LIN28B: variants seen among roughly 807,000 people sequenced by gnomAD.
LIN28B encodes the protein lin-28 RNA binding posttranscriptional regulator B.
Under a neutral mutation model 21.9 loss-of-function variants are expected in LIN28B, and 5 were observed. The observed-to-expected ratio is 0.23, with a 90% CI of 0.12 to 0.48. The LOEUF is 0.48. Among genes scored for constraint, LIN28B ranks in the 20% least tolerant of loss-of-function variants. The pLI, the probability that LIN28B is intolerant of heterozygous loss-of-function variation, is 0.98. For synonymous variants in LIN28B, 109 were observed against 111.3 expected (o/e 0.98, Z 0.13); for missense variants, 245 against 310.5 (o/e 0.79, Z 1.58).
At chr6:105,041,814 G>GT (rs1228144088) in intron 3 of LIN28B, among the ~76,000 whole-genome samples, 2 of 151,864 alleles carry the variant, frequency 1.3e-5, no homozygotes, top group East Asian at 1.9e-4. Flanking sequence ...CAGCCATTGT[G>GT]TTTTTTTTCT....
chr6:104,990,756 TGATGACTCTTAAC>T (rs957511299), intron 2 of LIN28B, among the ~76,000 whole-genome samples: 2 of 152,058 alleles, frequency 1.3e-5, no homozygotes, highest in African/African-American at 4.8e-5. Flanking sequence ...TAGGGAGTGG[TGATGACTCTTAAC>T]GAGCATGCTG....
At chr6:105,039,211 A>G (rs1014329722) in intron 3 of LIN28B, among the ~76,000 whole-genome samples, 11 of 152,186 alleles carry the variant, frequency 7.2e-5, no homozygotes, top group Non-Finnish European at 1.5e-4. Context: ...TGGTGTGTGT[A>G]TTTGTGCGAG....
At chr6:104,997,627 G>T (rs1770639883) in intron 2 of LIN28B, among the ~76,000 whole-genome samples, 1 of 150,278 alleles carries the variant, frequency 6.7e-6, no homozygotes, top group East Asian at 2.0e-4. Flanking sequence ...ATGATAAAAT[G>T]TTTTCAGGTT....
At chr6:105,037,205 T>A (rs562363979) in intron 3 of LIN28B, among the ~76,000 whole-genome samples, 1 of 152,134 alleles carries the variant, frequency 6.6e-6, no homozygotes, top group Non-Finnish European at 1.5e-5. Flanking sequence ...AATTTGTTAC[T>A]TGCACTGCTG....
chr6:104,944,512 T>TA (rs534569272), intron 2 of LIN28B, among the ~76,000 whole-genome samples: 2 of 152,156 alleles, frequency 1.3e-5, no homozygotes, highest in South Asian at 4.1e-4. Context: ...AAATTACACT[T>TA]AAAAACATTA....
chr6:104,941,336 C>T (rs1257955794), intron 2 of LIN28B: 2 of 152,008 alleles, frequency 1.3e-5, no homozygotes, highest in African/African-American at 2.4e-5. Context: ...TTTCTCTCCC[C>T]GCTCGGTGCT....
At chr6:105,027,381 T>C (rs1391124027) in intron 3 of LIN28B, among the ~76,000 whole-genome samples, 2 of 152,080 alleles carry the variant, frequency 1.3e-5, no homozygotes, top group African/African-American at 4.8e-5. Context: ...GTGGTTTTTT[T>C]CACATTATTT....
chr6:104,961,408 AT>A (rs1201412444), intron 2 of LIN28B, among the ~76,000 whole-genome samples: 7 of 149,514 alleles, frequency 4.7e-5, no homozygotes, highest in South Asian at 2.1e-4. Flanking sequence ...AAATTCTTTT[AT>A]TTTTTTTTTG....
intron 2 of LIN28B, among the ~76,000 whole-genome samples, chr6:105,005,536 C>G (rs952603645): frequency 1.3e-5 from 2 of 152,100 alleles, no homozygotes; most frequent in African/African-American, 4.8e-5. Flanking sequence ...CCTTGCTGTT[C>G]TCATGATAGT....
intron 2 of LIN28B, among the ~76,000 whole-genome samples, chr6:104,966,678 G>A (rs1455607951): frequency 2.7e-5 from 4 of 147,842 alleles, no homozygotes; most frequent in African/African-American, 1.0e-4. Context: ...CTGGAGTGCA[G>A]TGGTGCTGTA....
intron 2 of LIN28B, among the ~76,000 whole-genome samples, chr6:105,023,628 T>TTTATATATATAAAATATATAATATATA (rs1562096751): frequency 6.4e-5 from 3 of 46,592 alleles, no homozygotes; most frequent in African/African-American, 8.3e-5. Context: ...TATTATATAT[T>TTTATATATATAAAATATATAATATATA]TTATATATAT....
intron 3 of LIN28B, among the ~76,000 whole-genome samples, chr6:105,028,865 A>G (rs574147554): frequency 5.4e-4 from 82 of 152,334 alleles, no homozygotes; most frequent in Admixed American, 9.8e-4. Context: ...ATAGGTAAGA[A>G]GAGGACTAAG....
chr6:104,943,922 C>G (rs1242019864), intron 2 of LIN28B, among the ~76,000 whole-genome samples: 1 of 151,974 alleles, frequency 6.6e-6, no homozygotes, highest in Non-Finnish European at 1.5e-5. Flanking sequence ...AGAAACTTGC[C>G]CACCATGTAC....
At chr6:105,002,166 AT>A (rs751548299) in intron 2 of LIN28B, among the ~76,000 whole-genome samples, 1,868 of 95,982 alleles carry the variant, frequency 0.019, 12 homozygotes, top group Middle Eastern at 0.045. Context: ...ATTCTCTGGT[AT>A]TTTTTTTTTT....
intron 3 of LIN28B, among the ~76,000 whole-genome samples, chr6:105,042,060 AATGTG>A (rs1182294489): frequency 2.0e-5 from 3 of 152,182 alleles, no homozygotes; most frequent in Non-Finnish European, 4.4e-5. Context: ...TCTAGCCTAG[AATGTG>A]ATAATCTGAT....
chr6:104,956,764 C>A (rs1441317867), upstream of LIN28B, among the ~76,000 whole-genome samples: 1 of 152,152 alleles, frequency 6.6e-6, no homozygotes, highest in Non-Finnish European at 1.5e-5. Flanking sequence ...TGATTTTAGT[C>A]AGGCTTGTGT....
At chr6:104,960,092 A>G (rs1027083504) in intron 2 of LIN28B, among the ~76,000 whole-genome samples, 5 of 152,184 alleles carry the variant, frequency 3.3e-5, no homozygotes, top group African/African-American at 1.2e-4. Flanking sequence ...TTTCTATACT[A>G]TAAACATTGA....
At chr6:105,058,784 G>T (rs968528774) in intron 3 of LIN28B, among the ~76,000 whole-genome samples, 6 of 152,212 alleles carry the variant, frequency 3.9e-5, no homozygotes, top group Non-Finnish European at 5.9e-5. Flanking sequence ...TTTAATGTAT[G>T]GTTGTTGCTT....
chr6:104,944,329 T>G (rs1184152855), intron 2 of LIN28B, among the ~76,000 whole-genome samples: 3 of 152,106 alleles, frequency 2.0e-5, no homozygotes, highest in Non-Finnish European at 4.4e-5. Context: ...AAAAACCCGT[T>G]TAAGCAACTA....
Sources: allele counts gnomAD v4.1 joint callset (sites outside exome capture counted in the v4.1 genomes callset), GRCh38; gene constraint gnomAD v4.1.1; transcripts MANE v1.5; gene names NCBI Gene and HGNC (gene_info 2026-07-23, HGNC 2026-07-21).